The following ESR1 variants were observed in gnomAD, a reference collection of about 807,000 sequenced individuals.
The protein encoded by ESR1 is estrogen receptor 1, also known as estrogen receptor.
ESR1 carries 12 observed loss-of-function variants against 52.7 expected under a neutral mutation model. The ratio of observed to expected loss-of-function variants is 0.23; its 90% confidence interval spans 0.15 to 0.37. The LOEUF is 0.37. ESR1 is among the 10% of genes least tolerant of loss of function. The probability of loss-of-function intolerance (pLI) is 1.00; values close to 1 mark genes in which losing one functional copy is unlikely to be tolerated. For missense variants in ESR1, 584 were observed against 779.7 expected, an observed-to-expected ratio of 0.75 and a Z score of 2.99; for synonymous variants, 305 against 316.8, an observed-to-expected ratio of 0.96 and a Z score of 0.39.
chr6:151,794,915 C>T (rs750411069), intron 2 of ESR1, among the ~76,000 whole-genome samples: 8 of 152,122 alleles, frequency 5.3e-5, no homozygotes, highest in Non-Finnish European at 8.8e-5. Context: ...CTCTTTATTT[C>T]GTCCAAAACC....
At chr6:151,903,120 C>T (rs1796935350) in intron 3 of ESR1, among the ~76,000 whole-genome samples, 1 of 152,140 alleles carries the variant, frequency 6.6e-6, no homozygotes, top group South Asian at 2.1e-4. Context: ...GTCCCGTATG[C>T]CTCCCTTCAA....
At chr6:152,106,728 A>ACAGG (rs568858383), downstream of ESR1, among the ~76,000 whole-genome samples, 160 of 152,280 alleles carry the variant, frequency 1.1e-3, no homozygotes, top group Admixed American at 3.3e-3. Context: ...AGCTGGAAGT[A>ACAGG]CAGGCATGTA....
intron 4 of ESR1, among the ~76,000 whole-genome samples, chr6:151,953,671 A>G (rs1458492321): frequency 4.0e-5 from 6 of 151,814 alleles, no homozygotes; most frequent in African/African-American, 1.2e-4. Flanking sequence ...CAGTGAGTCG[A>G]GATTGCGCCA....
At chr6:151,711,322 T>C (rs200958442) in intron 2 of ESR1, among the ~76,000 whole-genome samples, 2 of 151,748 alleles carry the variant, frequency 1.3e-5, no homozygotes, top group East Asian at 1.9e-4. Context: ...CCCGGGTTCA[T>C]GCCATTCTCC....
At chr6:151,936,008 C>A (rs1482928942) in intron 3 of ESR1, 10 of 152,220 alleles carry the variant, frequency 6.6e-5, no homozygotes, top group East Asian at 5.8e-4. Flanking sequence ...GCCTTGGGAA[C>A]CTGCTCCTAC....
chr6:151,888,088 G>T (rs1387164048), intron 3 of ESR1, among the ~76,000 whole-genome samples: 2 of 152,108 alleles, frequency 1.3e-5, no homozygotes, highest in Admixed American at 6.5e-5. Context: ...TATATTTTGA[G>T]TCAGGTAGTG....
intron 2 of ESR1, among the ~76,000 whole-genome samples, chr6:151,791,335 T>A (rs1776133813): frequency 6.6e-6 from 1 of 152,116 alleles, no homozygotes; most frequent in Admixed American, 6.5e-5. Flanking sequence ...TCTCACGAGA[T>A]CTGATGGTTT....
At chr6:151,905,191 A>G (rs924980756) in intron 3 of ESR1, among the ~76,000 whole-genome samples, 2 of 152,212 alleles carry the variant, frequency 1.3e-5, no homozygotes, top group African/African-American at 4.8e-5. Flanking sequence ...TGGTGGAGGA[A>G]ACTCAGCAAC....
intron 2 of ESR1, among the ~76,000 whole-genome samples, chr6:151,749,013 A>G (rs1348314814): frequency 6.6e-6 from 1 of 152,144 alleles, no homozygotes; most frequent in Non-Finnish European, 1.5e-5. Flanking sequence ...AGAAACATAC[A>G]TTGCTTACAA....
chr6:152,033,803 CA>C (rs1461912406), intron 5 of ESR1, among the ~76,000 whole-genome samples: 1 of 152,062 alleles, frequency 6.6e-6, no homozygotes, highest in Non-Finnish European at 1.5e-5. Context: ...GGTATATACC[CA>C]AAGGATTATA....
intron 7 of ESR1, among the ~76,000 whole-genome samples, chr6:152,095,482 C>G (rs1171612646): frequency 6.6e-6 from 1 of 152,198 alleles, no homozygotes; most frequent in African/African-American, 2.4e-5. Context: ...GTCTCCTATC[C>G]TCCTTGTACC....
At chr6:151,957,211 A>G (rs1282486339) in intron 4 of ESR1, among the ~76,000 whole-genome samples, 1 of 152,112 alleles carries the variant, frequency 6.6e-6, no homozygotes, top group Non-Finnish European at 1.5e-5. Context: ...TGAAGGACAC[A>G]ACTTTTGCCA....
At chr6:151,813,697 G>A (rs1779186285) in intron 1 of ESR1, among the ~76,000 whole-genome samples, 1 of 152,092 alleles carries the variant, frequency 6.6e-6, no homozygotes, top group East Asian at 1.9e-4. Context: ...AAATTAGTTT[G>A]TTCTTATAAT....
chr6:151,899,345 G>A (rs1796185846), intron 3 of ESR1, among the ~76,000 whole-genome samples: 4 of 121,936 alleles, frequency 3.3e-5, no homozygotes, highest in Admixed American at 8.2e-5. Context: ...TGGCCAGGCG[G>A]GGGGCTGACC....
chr6:151,761,921 A>G (rs1355290734), intron 2 of ESR1, among the ~76,000 whole-genome samples: 1 of 152,168 alleles, frequency 6.6e-6, no homozygotes, highest in East Asian at 1.9e-4. Flanking sequence ...TATTTCTAAA[A>G]AGCTCCCAAG....
chr6:151,951,355 T>C (rs2036302288), intron 4 of ESR1, among the ~76,000 whole-genome samples: 1 of 152,188 alleles, frequency 6.6e-6, no homozygotes. Context: ...TACTACTGGT[T>C]AAGAGCTTTT....
intron 3 of ESR1, among the ~76,000 whole-genome samples, chr6:151,923,746 T>C (rs1363929607): frequency 6.6e-6 from 1 of 152,196 alleles, no homozygotes; most frequent in African/African-American, 2.4e-5. Context: ...TTCATGGCAA[T>C]TATGAATGAA....
At chr6:151,766,904 T>C (rs1785101550) in intron 2 of ESR1, among the ~76,000 whole-genome samples, 1 of 152,236 alleles carries the variant, frequency 6.6e-6, no homozygotes, top group South Asian at 2.1e-4. Flanking sequence ...CTTAGAGAAG[T>C]ACAATACCTG....
intron 5 of ESR1, among the ~76,000 whole-genome samples, chr6:152,050,919 A>T (rs566963311): frequency 6.6e-6 from 1 of 152,314 alleles, no homozygotes; most frequent in African/African-American, 2.4e-5. Flanking sequence ...GTGCTTTGTT[A>T]TAAGGATAGG....
Sources: gnomAD v4.1 joint callset for allele counts (sites outside exome capture counted in the v4.1 genomes callset) on GRCh38, gnomAD v4.1.1 for gene constraint, MANE v1.5 for transcripts, NCBI Gene and HGNC (gene_info 2026-07-23, HGNC 2026-07-21) for gene names.